The following EYS variants were observed in gnomAD, a reference collection of about 807,000 sequenced individuals.
EYS encodes the protein protein eyes shut homolog.
Under a neutral mutation model 282.1 loss-of-function variants are expected in EYS, and 250 were observed. That is an observed-to-expected ratio of 0.89 (90% confidence interval 0.80 to 0.98). The LOEUF (loss-of-function observed/expected upper bound fraction) is 0.98. Ranked by LOEUF, EYS falls within the 50% of genes least tolerant of loss-of-function variation. The pLI, the probability that EYS is intolerant of heterozygous loss-of-function variation, is 0.00. For missense variants in EYS, 4,016 were observed against 3,709.0 expected, an observed-to-expected ratio of 1.08 and a Z score of -2.15; for synonymous variants, 1,355 against 1,282.9, an observed-to-expected ratio of 1.06 and a Z score of -1.20.
At chr6:64,220,413 C>T (rs1766063938) in intron 31 of EYS, among the ~76,000 whole-genome samples, 1 of 152,142 alleles carries the variant, frequency 6.6e-6, no homozygotes, top group Admixed American at 6.6e-5. Flanking sequence ...TCTTGGGCAG[C>T]TGCTTTCTAA....
At chr6:63,753,270 G>T (rs1769390970) in intron 41 of EYS, among the ~76,000 whole-genome samples, 1 of 151,108 alleles carries the variant, frequency 6.6e-6, no homozygotes, top group Non-Finnish European at 1.5e-5. Flanking sequence ...GAAGATTTAT[G>T]GATGTTTTAG....
intron 18 of EYS, among the ~76,000 whole-genome samples, chr6:64,889,576 G>A (rs1160857946): frequency 6.6e-6 from 1 of 151,960 alleles, no homozygotes; most frequent in Admixed American, 6.6e-5. Context: ...AAGATTTCAT[G>A]GACGTTTACT....
chr6:64,297,522 G>C (rs1769074652), intron 30 of EYS, among the ~76,000 whole-genome samples: 1 of 152,076 alleles, frequency 6.6e-6, no homozygotes. Context: ...CTTAAAAGCA[G>C]CAAAAGAAAA....
At chr6:65,604,068 T>C (rs1765699105) in intron 2 of EYS, among the ~76,000 whole-genome samples, 1 of 151,858 alleles carries the variant, frequency 6.6e-6, no homozygotes, top group African/African-American at 2.4e-5. Flanking sequence ...AAAATAGGAA[T>C]ACTGACTTAT....
At chr6:63,924,960 C>T (rs1764674829) in intron 35 of EYS, among the ~76,000 whole-genome samples, 1 of 152,152 alleles carries the variant, frequency 6.6e-6, no homozygotes, top group Non-Finnish European at 1.5e-5. Flanking sequence ...TTCACCACTA[C>T]CCGCAACATT....
intron 24 of EYS, among the ~76,000 whole-genome samples, chr6:64,608,919 G>A (rs1767018987): frequency 6.6e-6 from 1 of 152,160 alleles, no homozygotes; most frequent in African/African-American, 2.4e-5. Context: ...GAATTCACAG[G>A]AGGATCACAG....
rs202193974 is a variant in EYS at position 65,333,991 on chromosome 6, T to C, written c.1766+989A>G. ...CTTCCGTAAACCATATATATATATA[T>C]ACACACACGTATACATAAAGTGTAT... is the stretch of plus-strand genomic sequence containing the variant. On this transcript the variant is annotated intron_variant, in intron 11 of 42. Coordinates refer to ENST00000503581, the MANE Select transcript of EYS (RefSeq NM_001142800.2). 4.0e-5 allele frequency among the ~76,000 whole-genome samples: 6 copies of C among 149,612 alleles called. No homozygotes were observed. In the East Asian group the frequency reaches 7.9e-4, roughly 20 times the overall value.
chr6:64,585,596 A>G (rs1308158570), intron 26 of EYS, among the ~76,000 whole-genome samples: 3 of 152,114 alleles, frequency 2.0e-5, no homozygotes, highest in South Asian at 4.1e-4. Context: ...CATCAACAGA[A>G]TTCAGTAAAT....
intron 2 of EYS, among the ~76,000 whole-genome samples, chr6:65,593,977 C>T (rs1221765146): frequency 6.6e-6 from 1 of 151,900 alleles, no homozygotes; most frequent in Non-Finnish European, 1.5e-5. Context: ...AATAACTTGA[C>T]TAAAAATCAG....
chr6:63,805,820 G>A (rs1329689611), intron 37 of EYS, among the ~76,000 whole-genome samples: 1 of 152,140 alleles, frequency 6.6e-6, no homozygotes, highest in Non-Finnish European at 1.5e-5. Context: ...GCTGCCTTGT[G>A]AAGAAAGTAC....
intron 14 of EYS, among the ~76,000 whole-genome samples, chr6:64,956,436 C>T (rs2350000): frequency 0.14 from 21,597 of 152,090 alleles, 1,631 homozygotes; most frequent in East Asian, 0.24. Context: ...GTACAAAAGT[C>T]AAATCAAAAT....
At chr6:64,539,876 T>A (rs931081306) in intron 26 of EYS, among the ~76,000 whole-genome samples, 1 of 152,222 alleles carries the variant, frequency 6.6e-6, no homozygotes, top group African/African-American at 2.4e-5. Context: ...CCCTTCAATT[T>A]CCTAGACAGT....
At chr6:64,021,668 G>A (rs1437820234) in intron 33 of EYS, among the ~76,000 whole-genome samples, 1 of 152,010 alleles carries the variant, frequency 6.6e-6, no homozygotes, top group African/African-American at 2.4e-5. Context: ...CTATTTGTAG[G>A]GAATACATTC....
At chr6:64,235,496 A>T (rs1429158679) in intron 30 of EYS, among the ~76,000 whole-genome samples, 5 of 152,102 alleles carry the variant, frequency 3.3e-5, no homozygotes, top group Non-Finnish European at 5.9e-5. Context: ...TCATTTGTGG[A>T]CATTTGGGTT....
chr6:63,882,448 C>T (rs142896204), intron 35 of EYS, among the ~76,000 whole-genome samples: 11 of 152,300 alleles, frequency 7.2e-5, no homozygotes, highest in Non-Finnish European at 1.2e-4. Context: ...TCCACTCTGC[C>T]ATGCCTCGAC....
At chr6:63,790,182 T>A (rs931237778) in intron 37 of EYS, among the ~76,000 whole-genome samples, 1 of 152,050 alleles carries the variant, frequency 6.6e-6, no homozygotes, top group African/African-American at 2.4e-5. Context: ...ATAGAAAAAA[T>A]TTATTATGAG....
At chr6:63,962,301 C>T (rs1766104178) in intron 35 of EYS, among the ~76,000 whole-genome samples, 2 of 152,164 alleles carry the variant, frequency 1.3e-5, no homozygotes, top group South Asian at 4.1e-4. Context: ...GCAAAAGGAA[C>T]TACCATCAGA....
chr6:63,902,703 A>G (rs1333642652), intron 35 of EYS, among the ~76,000 whole-genome samples: 1 of 152,218 alleles, frequency 6.6e-6, no homozygotes, highest in African/African-American at 2.4e-5. Flanking sequence ...TAATCCCTAA[A>G]AAACACTAAG....
chr6:64,033,846 CTA>C (rs1219965090), intron 33 of EYS, among the ~76,000 whole-genome samples: 4,836 of 140,284 alleles, frequency 0.034, 259 homozygotes, highest in African/African-American at 0.12. Flanking sequence ...CTCTCTCTCT[CTA>C]TATATATATA....
Sources: allele counts gnomAD v4.1 joint callset (sites outside exome capture counted in the v4.1 genomes callset), GRCh38; gene constraint gnomAD v4.1.1; transcripts MANE v1.5; gene names NCBI Gene and HGNC (gene_info 2026-07-23, HGNC 2026-07-21).